The following TRMT9B variants were observed in gnomAD, a reference collection of about 807,000 sequenced individuals.
TRMT9B encodes the protein probable tRNA methyltransferase 9B.
Under a neutral mutation model 11.5 loss-of-function variants are expected in TRMT9B, and 16 were observed. The observed-to-expected ratio is 1.39, with a 90% confidence interval of 0.94 to 2.11. The LOEUF (loss-of-function observed/expected upper bound fraction) is 2.11, where lower values mean the gene tolerates loss of function less well. TRMT9B is among the 30% of genes most tolerant of loss of function. The probability of loss-of-function intolerance (pLI) is 0.00; values close to 1 mark genes in which losing one functional copy is unlikely to be tolerated. For missense variants in TRMT9B, 941 were observed against 553.8 expected, an observed-to-expected ratio of 1.70 and a Z score of -7.02; for synonymous variants, 274 against 192.4, an observed-to-expected ratio of 1.42 and a Z score of -3.51.
At position 12,952,352 on chromosome 8, in the gene TRMT9B, C is replaced by G. The variant is rs376957548; in HGVS notation, c.-200+6386C>G. 207 of 323,052 alleles carry G rather than the reference C, an allele frequency of 6.4e-4. 1 individual carries two copies. The highest frequency in any genetic ancestry group is 4.5e-3 in the South Asian group (206 of 45,454). 20.0% of individuals were successfully genotyped at this position (323,052 alleles called of 1,614,324 possible). Reference sequence around the variant, plus strand: ...CCCGGAGCCCGCGCCCGGGTCTGGCCGCCTGGGTGAGTTCCTGCTCGTCCC... The same window carrying G: ...CCCGGAGCCCGCGCCCGGGTCTGGCGGCCTGGGTGAGTTCCTGCTCGTCCC... On this transcript the variant is annotated intron_variant, in intron 1 of 4. Transcript: ENST00000524591.
At chr8:13,006,888 C>G (rs1810583044) in intron 3 of TRMT9B, 1 of 167,566 alleles carries the variant, frequency 6.0e-6, no homozygotes, top group South Asian at 1.7e-4. Context: ...AGACTGGTCT[C>G]AAACTCCTGA....
chr8:13,014,049 GA>G (rs1812164161), intron 4 of TRMT9B, among the ~76,000 whole-genome samples: 1 of 152,210 alleles, frequency 6.6e-6, no homozygotes, highest in South Asian at 2.1e-4. Flanking sequence ...TGCAGAATAA[GA>G]TGATTTGCTC....
chr8:12,952,283 C>A, intron 1 of TRMT9B: 1 of 390,686 alleles, frequency 2.6e-6, no homozygotes, highest in Non-Finnish European at 5.4e-6. Context: ...CCTCGGCGCC[C>A]GCCCGCAGGG....
intron 1 of TRMT9B, among the ~76,000 whole-genome samples, chr8:12,978,696 G>A (rs1804857395): frequency 6.6e-6 from 1 of 152,148 alleles, no homozygotes; most frequent in Admixed American, 6.5e-5. Context: ...CTACACCTTA[G>A]TTATCTTTAA....
In TRMT9B at chr8:13,029,160, A is replaced by T. The variant is rs35744372; in HGVS notation, c.*7116A>T. 6.0e-6 allele frequency: 1 copy of T among 166,222 alleles called. No individual in the cohort carries two copies. Among genetic ancestry groups the T allele is most frequent in the South Asian group, 2.1e-4 (1 of 4,788 alleles). The allele number at this position is 166,222 out of a possible 1,614,324, so 10.3% of individuals were successfully genotyped here. A position where few individuals can be genotyped will look rare whatever the true frequency, so the allele number is the denominator to read the frequency against. On this transcript the variant is annotated 3_prime_UTR_variant, in exon 5 of 5. Coordinates refer to ENST00000524591, the MANE Select transcript of TRMT9B (RefSeq NM_020844.3). ...ACATCAAATTAGCAATTACCATAGAAATGTATTTCATTGAATAAATAGCTT... is the reference window on the plus strand; with the variant it reads ...ACATCAAATTAGCAATTACCATAGATATGTATTTCATTGAATAAATAGCTT...
rs140217345 is a variant in TRMT9B at position 12,958,600 on chromosome 8, A to G, written c.-200+12634A>G. On this transcript the variant is annotated intron_variant, in intron 1 of 4. Transcript: ENST00000524591. ...TAGTTTTTCTGTCACAACTACCATG[A>G]TGCATTTACCACAGATGTATGTCTC... 3.4e-3 allele frequency: 553 copies of G among 160,906 alleles called. 2 individuals are homozygous for G. The highest frequency in any genetic ancestry group is 5.9e-3 in the Non-Finnish European group (425 of 72,266). 10.0% of individuals were successfully genotyped at this position (160,906 alleles called of 1,614,324 possible). A position where few individuals can be genotyped will look rare whatever the true frequency, so the allele number is the denominator to read the frequency against.
intron 2 of TRMT9B, among the ~76,000 whole-genome samples, chr8:12,997,154 C>G (rs747003205): frequency 5.9e-5 from 9 of 151,970 alleles, no homozygotes; most frequent in Non-Finnish European, 1.0e-4. Context: ...CTCCAAATCT[C>G]ATGTTAAAAT....
chr8:12,977,657 C>T (rs142887714), intron 1 of TRMT9B, among the ~76,000 whole-genome samples: 10,403 of 151,956 alleles, frequency 0.068, 408 homozygotes, highest in Non-Finnish European at 0.083. Context: ...GCTGAGATCA[C>T]GCAACTGCAT....
chr8:12,965,474 C>T (rs1802686310), intron 1 of TRMT9B, among the ~76,000 whole-genome samples: 3 of 152,182 alleles, frequency 2.0e-5, no homozygotes, highest in Admixed American at 6.5e-5. Context: ...GCATCCGGAT[C>T]CCCGTCCAGA....
At chr8:13,018,249 A>AAAAATACAT (rs1476636747) in intron 4 of TRMT9B, among the ~76,000 whole-genome samples, 1 of 151,958 alleles carries the variant, frequency 6.6e-6, no homozygotes, top group African/African-American at 2.4e-5. Flanking sequence ...AAAAAATACA[A>AAAAATACAT]AAATTAGCTG....
intron 4 of TRMT9B, among the ~76,000 whole-genome samples, chr8:13,014,704 C>T (rs1416454644): frequency 6.6e-6 from 1 of 152,122 alleles, no homozygotes; most frequent in Admixed American, 6.6e-5. Flanking sequence ...CTATACAATG[C>T]TTTGAATCTT....
intron 2 of TRMT9B, among the ~76,000 whole-genome samples, chr8:12,994,679 C>A (rs1808015983): frequency 6.6e-6 from 1 of 152,104 alleles, no homozygotes; most frequent in African/African-American, 2.4e-5. Flanking sequence ...AAGAAACGAA[C>A]ATTTTCTTTT....
rs1814773292 is a variant in TRMT9B, at chr8:13,027,066, A to G, written c.*5022A>G. On this transcript the variant is annotated 3_prime_UTR_variant, in exon 5 of 5. Transcript: ENST00000524591. ...AACTCTTCAACCTTTCAACAATTAT[A>G]TTATTGTTTTCCCATTTTATAAGTA... 1 of 167,050 alleles carries G rather than the reference A, an allele frequency of 6.0e-6. No individual in the cohort carries two copies. The highest frequency in any genetic ancestry group is 1.5e-5 in the Non-Finnish European group (1 of 68,116). The allele number at this position is 167,050 out of a possible 1,614,324, so 10.3% of individuals were successfully genotyped here.
chr8:12,993,543 C>A (rs1271023791), intron 2 of TRMT9B, among the ~76,000 whole-genome samples: 1 of 152,134 alleles, frequency 6.6e-6, no homozygotes, highest in Admixed American at 6.5e-5. Context: ...GCAAGAGGAA[C>A]AGACAGACCA....
At chr8:12,959,516 CTTTTTTT>C (rs61536433) in intron 1 of TRMT9B, among the ~76,000 whole-genome samples, 19 of 74,932 alleles carry the variant, frequency 2.5e-4, no homozygotes, top group African/African-American at 6.5e-4. Context: ...TTTTTCCTTC[CTTTTTTT>C]TTTTTTTTTT....
At chr8:13,006,731 C>A in intron 3 of TRMT9B, 1 of 1,035,298 alleles carries the variant, frequency 9.7e-7, no homozygotes, top group Non-Finnish European at 1.2e-6. Flanking sequence ...TGCAGTGGTG[C>A]AATCTCAGCT....
In TRMT9B at chr8:13,028,195, G is replaced by C. The variant is rs1814927425; in HGVS notation, c.*6151G>C. 6.0e-6 allele frequency: 1 copy of C among 167,082 alleles called. No homozygotes were observed. The highest frequency in any genetic ancestry group is 2.4e-5 in the African/African-American group (1 of 41,456). 10.3% of individuals were successfully genotyped at this position (167,082 alleles called of 1,614,324 possible). A position where few individuals can be genotyped will look rare whatever the true frequency, so the allele number is the denominator to read the frequency against. Reference sequence around the variant, plus strand: ...CCTCTTGTGGTGCGGGTCTTCCCCAGTTGATTATACACAGATAATCAATGA... The same window carrying C: ...CCTCTTGTGGTGCGGGTCTTCCCCACTTGATTATACACAGATAATCAATGA... On this transcript the variant is annotated 3_prime_UTR_variant, in exon 5 of 5. Transcript: ENST00000524591.
chr8:13,018,219 T>A (rs1585408863), intron 4 of TRMT9B, among the ~76,000 whole-genome samples: 1 of 150,476 alleles, frequency 6.6e-6, no homozygotes, highest in African/African-American at 2.4e-5. Context: ...CTGGGCAACA[T>A]GGCAAAACTC....
chr8:12,990,830 A>T lies in TRMT9B; in HGVS notation c.-199-4A>T. 1 of 1,288,472 alleles carries T rather than the reference A, an allele frequency of 7.8e-7. No homozygotes were observed. The highest frequency in any genetic ancestry group is 1.2e-5 in the South Asian group (1 of 80,768). The allele number at this position is 1,288,472 out of a possible 1,614,324, so 79.8% of individuals were successfully genotyped here. A position where few individuals can be genotyped will look rare whatever the true frequency, so the allele number is the denominator to read the frequency against. On this transcript the variant is annotated splice_region_variant and splice_polypyrimidine_tract_variant and intron_variant, in intron 1 of 4. Coordinates refer to ENST00000524591, the MANE Select transcript of TRMT9B (RefSeq NM_020844.3). The stretch of plus-strand genomic sequence containing the variant: ...ACATTTAGTATTTGTTTTCTTCCTG[A>T]TAGGGCCTGTGCTTCCTTCAGAGAC...
Sources: allele counts gnomAD v4.1 joint callset (sites outside exome capture counted in the v4.1 genomes callset), GRCh38; gene constraint gnomAD v4.1.1; transcripts MANE v1.5; gene names NCBI Gene and HGNC (gene_info 2026-07-23, HGNC 2026-07-21).